SEC63: variants seen among roughly 807,000 people sequenced by gnomAD.
SEC63 encodes the protein translocation protein SEC63 homolog.
Under a neutral mutation model 116.2 loss-of-function variants are expected in SEC63, and 56 were observed. The observed-to-expected ratio is 0.48, with a 90% CI of 0.39 to 0.60. The LOEUF (loss-of-function observed/expected upper bound fraction) is 0.60. Ranked by LOEUF, SEC63 falls within the 20% of genes least tolerant of loss-of-function variation. The probability of loss-of-function intolerance (pLI) is 0.00; values close to 1 mark genes in which losing one functional copy is unlikely to be tolerated. For synonymous variants in SEC63, 273 were observed against 294.6 expected, an observed-to-expected ratio of 0.93 and a Z score of 0.75; for missense variants, 668 against 900.0, an observed-to-expected ratio of 0.74 and a Z score of 3.30.
intron 13 of SEC63, among the ~76,000 whole-genome samples, chr6:107,899,427 T>C (rs895951349): frequency 6.6e-5 from 10 of 152,208 alleles, no homozygotes; most frequent in African/African-American, 2.4e-4. Flanking sequence ...AAGAAGCATG[T>C]ACTTTTGGCC....
intron 1 of SEC63, among the ~76,000 whole-genome samples, chr6:107,938,823 G>A (rs564702170): frequency 6.6e-6 from 1 of 151,172 alleles, no homozygotes; most frequent in South Asian, 2.1e-4. Context: ...CCAAAGTGCT[G>A]GGATTACAGG....
intron 14 of SEC63, 124 bp downstream of exon 14, chr6:107,897,525 T>G: frequency 1.4e-6 from 1 of 734,604 alleles, no homozygotes; most frequent in South Asian, 1.5e-5. Flanking sequence ...TTCAAAAGAG[T>G]TAACAGAATT....
At chr6:107,879,488 G>A (rs1467141471) in intron 18 of SEC63, among the ~76,000 whole-genome samples, 1 of 152,112 alleles carries the variant, frequency 6.6e-6, no homozygotes, top group Non-Finnish European at 1.5e-5. Context: ...ACCATGCCCA[G>A]CCAATTTTGT....
intron 16 of SEC63, 128 bp downstream of exon 16, chr6:107,893,354 G>T (rs1786733950): frequency 3.6e-6 from 3 of 831,500 alleles, no homozygotes; most frequent in Admixed American, 2.2e-5. Flanking sequence ...AAGAGCACAA[G>T]GGAGCTTTCT....
chr6:107,950,656 C>T (rs957785217), intron 1 of SEC63, among the ~76,000 whole-genome samples: 6 of 152,116 alleles, frequency 3.9e-5, no homozygotes, highest in African/African-American at 1.2e-4. Context: ...GATGAGTATA[C>T]TGAAACACAC....
In SEC63 at chr6:107,925,131, A is replaced by G. The variant is rs1466435661; in HGVS notation, c.225-199T>C. Among the ~76,000 whole-genome samples the G allele has an allele frequency of 4.6e-5, 7 of 152,226 alleles. No individual in the cohort carries two copies. The East Asian group carries it at 1.3e-3, about 29-fold the overall frequency. On this transcript the variant is annotated intron_variant, in intron 2 of 20. Transcript: ENST00000369002. Reference sequence around the variant, plus strand: ...TTTACCTCTGCATTCTTTATAATCTAGTACAGTGTCTACTATTCATAGATT... The same window carrying G: ...TTTACCTCTGCATTCTTTATAATCTGGTACAGTGTCTACTATTCATAGATT...
chr6:107,897,260 T>A (rs751792501), intron 14 of SEC63, among the ~76,000 whole-genome samples: 2 of 152,314 alleles, frequency 1.3e-5, no homozygotes, highest in Non-Finnish European at 2.9e-5. Flanking sequence ...GGAAAAAAAA[T>A]GTTATTTTTA....
At chr6:107,955,864 CAG>C (rs1770700657) in intron 1 of SEC63, 2 of 196,850 alleles carry the variant, frequency 1.0e-5, no homozygotes, top group South Asian at 1.7e-4. Context: ...TCCTGGGCAA[CAG>C]AGTGAGACTC....
intron 11 of SEC63, among the ~76,000 whole-genome samples, chr6:107,904,086 C>A (rs1194666460): frequency 1.4e-5 from 2 of 141,850 alleles, no homozygotes; most frequent in Non-Finnish European, 3.0e-5. Context: ...CCACTGCACT[C>A]CAGCCTAGGC....
intron 2 of SEC63, among the ~76,000 whole-genome samples, chr6:107,926,840 T>C (rs1472596309): frequency 6.6e-6 from 1 of 152,068 alleles, no homozygotes; most frequent in East Asian, 1.9e-4. Flanking sequence ...AGCCAAGGAA[T>C]GAGAAGAGGA....
chr6:107,893,926 A>G, intron 14 of SEC63, 29 bp from the exon 15 acceptor site: 1 of 1,609,262 alleles, frequency 6.2e-7, no homozygotes, highest in Non-Finnish European at 8.5e-7. Context: ...AGAAATACAA[A>G]ATCTGTCAAC....
intron 19 of SEC63, among the ~76,000 whole-genome samples, chr6:107,874,638 A>G (rs1243873152): frequency 6.6e-6 from 1 of 151,926 alleles, no homozygotes; most frequent in Non-Finnish European, 1.5e-5. Context: ...GAAAGTATTC[A>G]ACACTAAAGA....
At chr6:107,931,130 C>T (rs1195528316) in intron 1 of SEC63, among the ~76,000 whole-genome samples, 1 of 151,832 alleles carries the variant, frequency 6.6e-6, no homozygotes, top group Non-Finnish European at 1.5e-5. Flanking sequence ...GAATTCGAGA[C>T]CAGCCAGTTC....
intron 11 of SEC63, 42 bp from the exon 12 acceptor site, chr6:107,903,040 T>C (rs1313150331): frequency 1.2e-6 from 2 of 1,606,898 alleles, no homozygotes; most frequent in South Asian, 1.1e-5. Context: ...CTGGACTTTT[T>C]ACATGTTCAG....
chr6:107,955,952 A>T (rs1186169335), intron 1 of SEC63: 1 of 404,338 alleles, frequency 2.5e-6, no homozygotes, highest in Non-Finnish European at 5.0e-6. Context: ...GAATTTTATA[A>T]TACGAAACTC....
intron 13 of SEC63, among the ~76,000 whole-genome samples, chr6:107,901,048 A>G (rs1163355840): frequency 3.9e-5 from 6 of 152,196 alleles, no homozygotes; most frequent in African/African-American, 1.2e-4. Context: ...TATACTTCAA[A>G]TATCTCATTC....
chr6:107,897,824 G>T, intron 13 of SEC63, 93 bp from the exon 14 acceptor site: 1 of 826,404 alleles, frequency 1.2e-6, no homozygotes, highest in Middle Eastern at 2.6e-4. Context: ...AATTAGTTTG[G>T]CACTTTAGTA....
intron 1 of SEC63, among the ~76,000 whole-genome samples, chr6:107,950,601 A>ATAC (rs1182936729): frequency 6.6e-6 from 1 of 152,228 alleles, no homozygotes; most frequent in African/African-American, 2.4e-5. Flanking sequence ...ACCAATAAAG[A>ATAC]TGAGTATACT....
At chr6:107,880,239 C>T (rs995179832) in intron 18 of SEC63, among the ~76,000 whole-genome samples, 4 of 152,194 alleles carry the variant, frequency 2.6e-5, no homozygotes, top group Admixed American at 6.5e-5. Flanking sequence ...AAATTATTTA[C>T]GAATTTGCCT....
Sources: gnomAD v4.1 joint callset for allele counts (sites outside exome capture counted in the v4.1 genomes callset) on GRCh38, gnomAD v4.1.1 for gene constraint, MANE v1.5 for transcripts, NCBI Gene and HGNC (gene_info 2026-07-23, HGNC 2026-07-21) for gene names.